Variants in NFYC observed in about 807,000 individuals in gnomAD.
NFYC encodes CAAT box DNA-binding protein subunit C.
In NFYC, 25 loss-of-function variants were observed where a neutral mutation model predicts 53.1. The ratio of observed to expected loss-of-function variants is 0.47; its 90% CI spans 0.34 to 0.66. NFYC has a LOEUF of 0.66. NFYC is among the 30% of genes least tolerant of loss of function. NFYC has a pLI of 0.01. For synonymous variants in NFYC, 145 were observed against 152.6 expected (o/e 0.95, Z 0.37); for missense variants, 260 against 422.7 (o/e 0.62, Z 3.38).
At chr1:40,722,125 C>A (rs912816184) in intron 1 of NFYC, among the ~76,000 whole-genome samples, 1 of 152,070 alleles carries the variant, frequency 6.6e-6, no homozygotes, top group Non-Finnish European at 1.5e-5. Context: ...GAGCCAAGAT[C>A]ATGCTACTGC....
rs756630956 is a variant in NFYC, at chr1:40,747,563, G to A, written c.135G>A (p.Leu45=). 2 of 1,613,358 alleles carry A rather than the reference G, an allele frequency of 1.2e-6. No homozygotes were observed. Among genetic ancestry groups the A allele is most frequent in the South Asian group, 2.2e-5 (2 of 91,040 alleles). The change falls in exon 3 of 10, where the codon CTG becomes CTA. Residue 45 remains leucine (L), a synonymous_variant. Coordinates refer to ENST00000447388, the MANE Select transcript of NFYC (RefSeq NM_014223.5). Reference sequence around the variant, plus strand: ...ACTTCCGAGTGCAGGAACTCCCACTGGCTCGTATTAAGAAGATTATGAAAC... The same window carrying A: ...ACTTCCGAGTGCAGGAACTCCCACTAGCTCGTATTAAGAAGATTATGAAAC... The part of the protein sequence containing the change: ...VKDFRVQELP[L]ARIKKIMKLD...
At chr1:40,735,709 T>A in intron 1 of NFYC, 1 of 985,428 alleles carries the variant, frequency 1.0e-6, no homozygotes, top group Non-Finnish European at 1.2e-6. Flanking sequence ...CATGGCAGAT[T>A]GTGCCAAGAT....
At chr1:40,735,848 C>T in intron 1 of NFYC, 1 of 568,766 alleles carries the variant, frequency 1.8e-6, no homozygotes, top group Non-Finnish European at 2.2e-6. Context: ...TCACTGTCTT[C>T]ATTTTCATGA....
intron 7 of NFYC, chr1:40,766,373 C>G (rs1646811027): frequency 2.1e-6 from 1 of 478,252 alleles, no homozygotes. Context: ...TTTCTGAAGT[C>G]CATTCAGGGA....
intron 1 of NFYC, among the ~76,000 whole-genome samples, chr1:40,733,326 T>G (rs1644864038): frequency 6.6e-6 from 1 of 151,492 alleles, no homozygotes; most frequent in Non-Finnish European, 1.5e-5. Context: ...CAGTAGAGAA[T>G]ACTTCGTGGA....
At chr1:40,714,301 A>G (rs982311073) in intron 1 of NFYC, among the ~76,000 whole-genome samples, 2 of 152,194 alleles carry the variant, frequency 1.3e-5, no homozygotes, top group African/African-American at 4.8e-5. Flanking sequence ...GACACCCAAA[A>G]TAATATCTTA....
intron 2 of NFYC, among the ~76,000 whole-genome samples, chr1:40,740,138 C>T (rs572192738): frequency 1.3e-5 from 2 of 152,334 alleles, no homozygotes; most frequent in African/African-American, 4.8e-5. Flanking sequence ...CCCATGTTGG[C>T]TGTGTCATTC....
chr1:40,693,503 A>C (rs151207944), intron 1 of NFYC, among the ~76,000 whole-genome samples: 4 of 152,336 alleles, frequency 2.6e-5, no homozygotes, highest in African/African-American at 9.6e-5. Flanking sequence ...TTTCAAATTT[A>C]GTTTTATGTG....
intron 1 of NFYC, among the ~76,000 whole-genome samples, chr1:40,703,047 C>A (rs903359065): frequency 6.6e-6 from 1 of 151,890 alleles, no homozygotes; most frequent in African/African-American, 2.4e-5. Context: ...GAACTCCTGA[C>A]CTCAGGTGAT....
intron 4 of NFYC, among the ~76,000 whole-genome samples, chr1:40,751,770 T>C (rs1390943405): frequency 6.6e-6 from 1 of 152,252 alleles, no homozygotes; most frequent in Non-Finnish European, 1.5e-5. Context: ...ATGTTTATTA[T>C]TTTTCTTTTT....
intron 1 of NFYC, among the ~76,000 whole-genome samples, chr1:40,727,554 A>G (rs886315178): frequency 3.0e-5 from 4 of 134,598 alleles, no homozygotes; most frequent in Non-Finnish European, 6.4e-5. Flanking sequence ...TTTTTGAGAC[A>G]AAGTCTTGCT....
rs1354866920 is a variant in NFYC, at chr1:40,770,913, G to C, written c.*85G>C. 1 of 1,480,920 alleles carries C rather than the reference G, an allele frequency of 6.8e-7. No individual in the cohort carries two copies. Among genetic ancestry groups the C allele is most frequent in the Admixed American group, 1.7e-5 (1 of 57,824 alleles). The allele number at this position is 1,480,920 out of a possible 1,614,324, so 91.7% of individuals were successfully genotyped here. ...AATGGGCACAGCCTTCCTCCCCAGA[G>C]GACCCGGCCGACCTCAGCGCCTCCT... On this transcript the variant is annotated 3_prime_UTR_variant, in exon 10 of 10. Transcript: ENST00000447388. The surrounding 1 kb of genome is among the most constrained non-coding windows in gnomAD (Gnocchi z 5.3).
intron 1 of NFYC, among the ~76,000 whole-genome samples, chr1:40,736,820 CAAAAAAAAA>C (rs71060396): frequency 7.9e-5 from 5 of 63,686 alleles, no homozygotes; most frequent in Middle Eastern, 0.016. Flanking sequence ...AAACTTATTC[CAAAAAAAAA>C]AAAAAAAAAA....
At chr1:40,726,939 A>G (rs1199775150) in intron 1 of NFYC, among the ~76,000 whole-genome samples, 1 of 152,186 alleles carries the variant, frequency 6.6e-6, no homozygotes, top group Non-Finnish European at 1.5e-5. Flanking sequence ...AGTAGGTTCC[A>G]TTTCAAGGAA....
intron 1 of NFYC, among the ~76,000 whole-genome samples, chr1:40,733,007 C>T (rs1226975500): frequency 3.1e-5 from 3 of 97,442 alleles, no homozygotes; most frequent in African/African-American, 8.6e-5. Context: ...TTCCAAGATT[C>T]GCCCCCCCCC....
At chr1:40,717,054 T>C (rs1644163523) in intron 1 of NFYC, among the ~76,000 whole-genome samples, 1 of 152,138 alleles carries the variant, frequency 6.6e-6, no homozygotes, top group Non-Finnish European at 1.5e-5. Context: ...AGGCAGCTTG[T>C]ACATGAAGGA....
intron 1 of NFYC, among the ~76,000 whole-genome samples, chr1:40,733,419 A>T (rs1035278501): frequency 1.3e-5 from 2 of 151,124 alleles, no homozygotes; most frequent in African/African-American, 4.9e-5. Context: ...CAGGAGGTAG[A>T]GGCTGCAGTG....
chr1:40,750,715 A>G (rs963111593), intron 4 of NFYC, among the ~76,000 whole-genome samples: 12 of 152,230 alleles, frequency 7.9e-5, no homozygotes, highest in African/African-American at 2.2e-4. Flanking sequence ...TTCAAGATCA[A>G]TTCAGATTAG....
At chr1:40,730,493 G>T (rs778987054) in intron 1 of NFYC, 60 of 924,714 alleles carry the variant, frequency 6.5e-5, no homozygotes, top group Non-Finnish European at 7.5e-5. Context: ...AGCAGTATCT[G>T]TGAAGCACAA....
Sources: gnomAD v4.1 joint callset for allele counts (sites outside exome capture counted in the v4.1 genomes callset) on GRCh38, gnomAD v4.1.1 for gene constraint, Gnocchi (gnomAD v3.1) non-coding constraint, MANE v1.5 for transcripts, NCBI Gene and HGNC (gene_info 2026-07-23, HGNC 2026-07-21) for gene names.